The following PHACTR1 variants were observed in gnomAD, a reference collection of about 807,000 sequenced individuals.
PHACTR1 encodes the protein phosphatase and actin regulator 1.
In PHACTR1, 16 loss-of-function variants were observed where a neutral mutation model predicts 69.2. The observed-to-expected ratio is 0.23, with a 90% CI of 0.16 to 0.35. The LOEUF (loss-of-function observed/expected upper bound fraction) is 0.35, where lower values mean the gene tolerates loss of function less well. Among genes scored for constraint, PHACTR1 ranks in the 10% least tolerant of loss-of-function variants. The probability of loss-of-function intolerance (pLI) is 1.00; values close to 1 mark genes in which losing one functional copy is unlikely to be tolerated. For synonymous variants in PHACTR1, 312 were observed against 284.5 expected (o/e 1.10, Z -0.97); for missense variants, 510 against 734.7 (o/e 0.69, Z 3.54).
intron 11 of PHACTR1, among the ~76,000 whole-genome samples, chr6:13,277,765 T>A (rs1478337087): frequency 6.6e-6 from 1 of 152,052 alleles, no homozygotes; most frequent in Non-Finnish European, 1.5e-5. Context: ...CTGAACAACA[T>A]CATGAGACCC....
chr6:12,770,783 T>TG lies in PHACTR1; in HGVS notation c.250+20999dup, dbSNP rs370240917. On this transcript the variant is annotated intron_variant, in intron 4 of 14. Transcript: ENST00000332995. ...ATAAGAGCTTGAGCAGCTTCTGTGCTGGGGGGTTAGAGGGAGCGATAGAAA... is the reference window on the plus strand; with the variant it reads ...ATAAGAGCTTGAGCAGCTTCTGTGCTGGGGGGGTTAGAGGGAGCGATAGAAA... 4.0e-3 allele frequency among the ~76,000 whole-genome samples: 613 copies of TG among 152,128 alleles called. 5 individuals are homozygous for TG. The highest frequency in any genetic ancestry group is 0.014 in the African/African-American group (592 of 41,494).
chr6:13,104,423 G>A (rs1815748556), intron 5 of PHACTR1, among the ~76,000 whole-genome samples: 1 of 152,246 alleles, frequency 6.6e-6, no homozygotes, highest in East Asian at 1.9e-4. Context: ...CTCCTTGTTT[G>A]CTTTAAGAGA....
At chr6:13,191,415 G>T (rs1387897410) in intron 7 of PHACTR1, among the ~76,000 whole-genome samples, 1 of 152,186 alleles carries the variant, frequency 6.6e-6, no homozygotes, top group Non-Finnish European at 1.5e-5. Flanking sequence ...AAGCCTCAGG[G>T]TGGTCAGGAG....
intron 4 of PHACTR1, among the ~76,000 whole-genome samples, chr6:12,969,734 G>A (rs936385439): frequency 6.6e-6 from 1 of 152,214 alleles, no homozygotes; most frequent in African/African-American, 2.4e-5. Flanking sequence ...GGCCAATACA[G>A]GCGGATCACT....
chr6:13,035,937 G>A (rs1017867707), intron 4 of PHACTR1, among the ~76,000 whole-genome samples: 2 of 152,266 alleles, frequency 1.3e-5, no homozygotes, highest in Non-Finnish European at 1.5e-5. Flanking sequence ...ATATTACAAT[G>A]ATGATATATA....
At chr6:12,871,474 G>A (rs1388597238) in intron 4 of PHACTR1, among the ~76,000 whole-genome samples, 1 of 152,072 alleles carries the variant, frequency 6.6e-6, no homozygotes, top group East Asian at 1.9e-4. Context: ...TGATTATGTG[G>A]TTTGTTATGG....
chr6:13,247,326 CGT>C (rs60972913), intron 10 of PHACTR1, among the ~76,000 whole-genome samples: 10,340 of 138,862 alleles, frequency 0.074, 443 homozygotes, highest in Middle Eastern at 0.11. Flanking sequence ...CAAGTTCCCT[CGT>C]GTGTGTGTGT....
At chr6:13,056,566 A>G (rs1035084692) in intron 5 of PHACTR1, among the ~76,000 whole-genome samples, 2 of 152,150 alleles carry the variant, frequency 1.3e-5, no homozygotes, top group African/African-American at 2.4e-5. Context: ...TTATTCATTG[A>G]CACTTGTTGA....
chr6:13,225,048 A>G (rs1054601815), intron 8 of PHACTR1, among the ~76,000 whole-genome samples: 2 of 152,190 alleles, frequency 1.3e-5, no homozygotes, highest in Admixed American at 1.3e-4. Context: ...CTGAGGCCAC[A>G]TATTAACCTT....
At chr6:13,282,116 A>G (rs1383492925) in intron 12 of PHACTR1, among the ~76,000 whole-genome samples, 1 of 152,240 alleles carries the variant, frequency 6.6e-6, no homozygotes, top group Non-Finnish European at 1.5e-5. Context: ...CCTGTTGCAG[A>G]GTCGAAACTG....
intron 4 of PHACTR1, among the ~76,000 whole-genome samples, chr6:12,855,158 G>C (rs1582109071): frequency 6.6e-6 from 1 of 152,182 alleles, no homozygotes; most frequent in South Asian, 2.1e-4. Flanking sequence ...ATGGTGGACT[G>C]GATAAAGAAA....
At chr6:12,725,887 T>A (rs914424388) in intron 3 of PHACTR1, among the ~76,000 whole-genome samples, 3 of 152,276 alleles carry the variant, frequency 2.0e-5, no homozygotes, top group African/African-American at 4.8e-5. Flanking sequence ...TTTAAAAAAA[T>A]TTTTATATTT....
intron 4 of PHACTR1, among the ~76,000 whole-genome samples, chr6:12,904,416 C>T (rs1785510558): frequency 1.3e-5 from 2 of 151,892 alleles, no homozygotes; most frequent in African/African-American, 4.8e-5. Flanking sequence ...TGCCTGTAAT[C>T]CCAGCTACTT....
intron 4 of PHACTR1, among the ~76,000 whole-genome samples, chr6:12,827,159 G>A (rs563550886): frequency 6.6e-6 from 1 of 152,106 alleles, no homozygotes; most frequent in Non-Finnish European, 1.5e-5. Flanking sequence ...GAGTTTTCTC[G>A]AAAGGACTTT....
Position 13,258,252 on chromosome 6 carries a change from G to A in PHACTR1, c.1392-14608G>A, listed in dbSNP as rs434703. Among the ~76,000 whole-genome samples the A allele has an allele frequency of 1.2e-4, 18 of 152,062 alleles. No individual in the cohort carries two copies. The East Asian group carries it at 2.1e-3, about 18-fold the overall frequency. On this transcript the variant is annotated intron_variant, in intron 10 of 14. Coordinates refer to ENST00000332995, the MANE Select transcript of PHACTR1 (RefSeq NM_030948.6). The stretch of plus-strand genomic sequence containing the variant: ...GCGTGCCTGTAATTCCAGCTTCTAG[G>A]GGGGAGGCAGGAGGATTGCTTGAAC...
chr6:12,836,285 T>G lies in PHACTR1; in HGVS notation c.250+86495T>G, dbSNP rs115785074. Among the ~76,000 whole-genome samples the G allele has an allele frequency of 7.0e-3, 1,071 of 152,314 alleles. 17 individuals carry two copies. The highest frequency in any genetic ancestry group is 0.025 in the African/African-American group (1,020 of 41,586). On this transcript the variant is annotated intron_variant, in intron 4 of 14. Transcript: ENST00000332995. ...GCCAACTCTGTTTCTTTTTTCAGTT[T>G]CAATTTCAGGACAAATGATGGAATA...
rs1446332558 is a variant in PHACTR1 at position 13,070,815 on chromosome 6, AAAAC to A, written c.415+17290_415+17293del. Among the ~76,000 whole-genome samples the A allele has an allele frequency of 5.3e-5, 8 of 152,174 alleles. No individual in the cohort carries two copies. In the South Asian group the frequency reaches 1.7e-3, roughly 32 times the overall value. On this transcript the variant is annotated intron_variant, in intron 5 of 14. Transcript: ENST00000332995. ...TGTATATGAATTTGCCTGCTTAAAA[AAAAC>A]AAAACAAAACAGCAGCAACCAAAAA... is the stretch of plus-strand genomic sequence containing the variant.
At chr6:12,899,338 A>G (rs888827551) in intron 4 of PHACTR1, among the ~76,000 whole-genome samples, 1 of 152,226 alleles carries the variant, frequency 6.6e-6, no homozygotes, top group African/African-American at 2.4e-5. Context: ...TAATCATTTT[A>G]AAGGCATTAA....
At chr6:12,957,833 G>A in intron 4 of PHACTR1, 1 of 985,630 alleles carries the variant, frequency 1.0e-6, no homozygotes, top group Non-Finnish European at 1.2e-6. Context: ...TCAGCGGCCA[G>A]GGAATTGGCA....
Sources: gnomAD v4.1 joint callset for allele counts (sites outside exome capture counted in the v4.1 genomes callset) on GRCh38, gnomAD v4.1.1 for gene constraint, MANE v1.5 for transcripts, NCBI Gene and HGNC (gene_info 2026-07-23, HGNC 2026-07-21) for gene names.